SRFBP1: variants seen among roughly 807,000 people sequenced by gnomAD.
The protein encoded by SRFBP1 is serum response factor-binding protein 1.
In SRFBP1, 47 loss-of-function variants were observed where a neutral mutation model predicts 45.5. The observed-to-expected ratio is 1.03, with a 90% CI of 0.82 to 1.32. The LOEUF is 1.32. Ranked by LOEUF, SRFBP1 falls within the 40% of genes most tolerant of loss-of-function variation. SRFBP1 has a pLI of 0.00. For missense variants in SRFBP1, 621 were observed against 484.6 expected (o/e 1.28, Z -2.64); for synonymous variants, 203 against 166.3 (o/e 1.22, Z -1.70).
chr5:121,962,144 C>T, intron 1 of SRFBP1, 76 bp downstream of exon 1: 1 of 1,581,564 alleles, frequency 6.3e-7, no homozygotes, highest in South Asian at 1.1e-5. Context: ...TGGTCGGAGG[C>T]GGGCATAGAG....
chr5:122,040,493 C>T (rs144126883), intron 2 of SRFBP1, among the ~76,000 whole-genome samples: 5 of 152,230 alleles, frequency 3.3e-5, no homozygotes, highest in African/African-American at 1.2e-4. Context: ...ACAGCCAAAG[C>T]TTAGAGGGTC....
chr5:122,052,011 T>C (rs1272824507), intron 2 of SRFBP1, among the ~76,000 whole-genome samples: 1 of 152,212 alleles, frequency 6.6e-6, no homozygotes, highest in Non-Finnish European at 1.5e-5. Context: ...TCATGAAACC[T>C]AGTTTGGCCA....
intron 6 of SRFBP1, among the ~76,000 whole-genome samples, chr5:122,021,239 C>T (rs1753312884): frequency 1.3e-5 from 2 of 152,168 alleles, no homozygotes; most frequent in Non-Finnish European, 2.9e-5. Flanking sequence ...TATAAGGCTG[C>T]TTGCCCTTAA....
intron 2 of SRFBP1, among the ~76,000 whole-genome samples, chr5:122,044,213 G>A (rs1753814956): frequency 6.6e-6 from 1 of 152,038 alleles, no homozygotes; most frequent in African/African-American, 2.4e-5. Flanking sequence ...GGCATCATAT[G>A]GGGCATATGT....
intron 2 of SRFBP1, chr5:122,066,658 C>T: frequency 9.2e-7 from 1 of 1,091,116 alleles, no homozygotes; most frequent in Non-Finnish European, 1.4e-6. Context: ...TTTCAAAATA[C>T]ATAAATCCTA....
At chr5:122,054,115 G>T (rs904986848) in intron 2 of SRFBP1, among the ~76,000 whole-genome samples, 23 of 152,304 alleles carry the variant, frequency 1.5e-4, no homozygotes, top group African/African-American at 5.3e-4. Flanking sequence ...CTATTAAGCT[G>T]ATACTGATCT....
At chr5:121,983,150 G>GTT (rs140629182) in intron 3 of SRFBP1, among the ~76,000 whole-genome samples, 1 of 149,114 alleles carries the variant, frequency 6.7e-6, no homozygotes. Context: ...TGTTCTTTTT[G>GTT]TTTTTTTTTC....
intron 4 of SRFBP1, among the ~76,000 whole-genome samples, chr5:122,008,914 G>T (rs773511851): frequency 6.6e-6 from 1 of 151,968 alleles, no homozygotes; most frequent in African/African-American, 2.4e-5. Flanking sequence ...ATGAAATAAC[G>T]TGAGTTTTGG....
chr5:122,048,571 G>T (rs1753907040), intron 2 of SRFBP1, among the ~76,000 whole-genome samples: 1 of 152,174 alleles, frequency 6.6e-6, no homozygotes, highest in South Asian at 2.1e-4. Context: ...AAATGAGTTA[G>T]GGAGGATTCC....
At chr5:122,019,229 C>T in intron 4 of SRFBP1, 31 bp from the exon 5 acceptor site, 2 of 1,555,656 alleles carry the variant, frequency 1.3e-6, no homozygotes, top group African/African-American at 1.4e-5. Flanking sequence ...TATTTCATTC[C>T]CATACGTTTA....
intron 2 of SRFBP1, among the ~76,000 whole-genome samples, chr5:122,048,943 T>C (rs1373102277): frequency 6.6e-6 from 1 of 152,152 alleles, no homozygotes; most frequent in Non-Finnish European, 1.5e-5. Context: ...TCTTTTCTTC[T>C]TTATTAGTAT....
intron 1 of SRFBP1, among the ~76,000 whole-genome samples, chr5:121,968,021 G>A (rs1490469394): frequency 2.6e-5 from 4 of 151,876 alleles, no homozygotes; most frequent in Non-Finnish European, 4.4e-5. Flanking sequence ...ATTCCTCTTG[G>A]TGTGTGTTTT....
At chr5:121,965,380 A>C (rs954445460) in intron 1 of SRFBP1, among the ~76,000 whole-genome samples, 1 of 152,196 alleles carries the variant, frequency 6.6e-6, no homozygotes, top group African/African-American at 2.4e-5. Flanking sequence ...GGTGTAAGGA[A>C]GGGGTCCAGT....
Position 122,027,676 on chromosome 5 carries a change from A to G in SRFBP1, c.*550A>G, listed in dbSNP as rs1266383799. The G allele has an allele frequency of 1.3e-5, 2 of 152,108 alleles. No individual in the cohort carries two copies. Among genetic ancestry groups the G allele is most frequent in the African/African-American group, 4.8e-5 (2 of 41,428 alleles). 9.4% of individuals were successfully genotyped at this position (152,108 alleles called of 1,614,324 possible). On this transcript the variant is annotated 3_prime_UTR_variant, in exon 8 of 8. Coordinates refer to ENST00000339397, the MANE Select transcript of SRFBP1 (RefSeq NM_152546.3). ...GGAAATCAGCTATTTAAACCAGATC[A>G]CCCTTGTTAAAAATCATTCTTGTTA...
At chr5:122,036,621 G>T (rs914594698) in intron 2 of SRFBP1, among the ~76,000 whole-genome samples, 1 of 152,124 alleles carries the variant, frequency 6.6e-6, no homozygotes, top group Non-Finnish European at 1.5e-5. Context: ...AGTGATTTAC[G>T]CCTATGTGAT....
At chr5:121,982,938 T>C (rs1752441221) in intron 3 of SRFBP1, among the ~76,000 whole-genome samples, 1 of 151,868 alleles carries the variant, frequency 6.6e-6, no homozygotes, top group African/African-American at 2.4e-5. Flanking sequence ...ACTGTGAAAG[T>C]ATCCAAAGCA....
chr5:122,071,074 T>C (rs1388050552), intron 2 of SRFBP1, among the ~76,000 whole-genome samples: 4 of 152,158 alleles, frequency 2.6e-5, no homozygotes, highest in Non-Finnish European at 5.9e-5. Context: ...TATAACATGC[T>C]ATGTAAGAAT....
intron 3 of SRFBP1, among the ~76,000 whole-genome samples, chr5:121,994,388 AT>A (rs1414898890): frequency 6.6e-6 from 1 of 151,666 alleles, no homozygotes; most frequent in Non-Finnish European, 1.5e-5. Flanking sequence ...ATTTGAAAAT[AT>A]TTTTCTTTTA....
intron 4 of SRFBP1, among the ~76,000 whole-genome samples, chr5:121,999,346 C>G (rs566803943): frequency 6.6e-6 from 1 of 151,936 alleles, no homozygotes; most frequent in Admixed American, 6.6e-5. Context: ...TTTGTGATTT[C>G]TATTCTTTTC....
Sources: allele counts gnomAD v4.1 joint callset (sites outside exome capture counted in the v4.1 genomes callset), GRCh38; gene constraint gnomAD v4.1.1; transcripts MANE v1.5; gene names NCBI Gene and HGNC (gene_info 2026-07-23, HGNC 2026-07-21).